The following TKFC variants were observed in gnomAD, a reference collection of about 807,000 sequenced individuals.
TKFC encodes triokinase and FMN cyclase.
A neutral mutation model predicts 61.0 loss-of-function variants in TKFC; 46 were observed. That is an observed-to-expected ratio of 0.75 (90% CI 0.60 to 0.96). The LOEUF (loss-of-function observed/expected upper bound fraction) is 0.96. Among genes scored for constraint, TKFC ranks in the 50% least tolerant of loss-of-function variants. TKFC has a pLI of 0.00. For synonymous variants in TKFC, 314 were observed against 330.1 expected (o/e 0.95, Z 0.53); for missense variants, 715 against 777.5 (o/e 0.92, Z 0.96).
In TKFC at chr11:61,347,986, C is replaced by T. The variant is rs769742596; in HGVS notation, c.*1483C>T. 2.3e-5 allele frequency: 23 copies of T among 985,304 alleles called. No homozygotes were observed. Among genetic ancestry groups the T allele is most frequent in the Admixed American group, 6.1e-5 (1 of 16,266 alleles). 61.0% of individuals were successfully genotyped at this position (985,304 alleles called of 1,614,324 possible). On this transcript the variant is annotated 3_prime_UTR_variant, in exon 18 of 18. Coordinates refer to ENST00000394900, the MANE Select transcript of TKFC (RefSeq NM_015533.4). ...TGGTAGGAAAGAGCCTCCTGCCCTCCCAACCCCCGTCACCTACTTGGCCCA... is the reference window on the plus strand; with the variant it reads ...TGGTAGGAAAGAGCCTCCTGCCCTCTCAACCCCCGTCACCTACTTGGCCCA...
Position 61,339,304 on chromosome 11 carries a change from G to C in TKFC, c.355G>C (p.Gly119Arg). The C allele has an allele frequency of 1.2e-6, 2 of 1,613,880 alleles. No homozygotes were observed. The highest frequency in any genetic ancestry group is 1.7e-6 in the Non-Finnish European group (2 of 1,180,020). Residue 119 changes from glycine (G) to arginine (R), a missense_variant, in exon 5 of 18, where the codon GGC becomes CGC. Gly to Arg is a moderately radical substitution (Grantham distance 125, BLOSUM62 -2). Coordinates refer to ENST00000394900, the MANE Select transcript of TKFC (RefSeq NM_015533.4). The part of the protein sequence containing the change: ...KNYTGDRLNF[G>R]LAREQARAEG... ...CTACACTGGGGATCGGCTCAACTTCGGCCTGGCCCGGGAGCAGGCCCGGGC... is the reference window on the plus strand; with the variant it reads ...CTACACTGGGGATCGGCTCAACTTCCGCCTGGCCCGGGAGCAGGCCCGGGC...
Position 61,347,263 on chromosome 11 carries a change from C to T in TKFC, c.*760C>T, listed in dbSNP as rs537733394. Reference sequence around the variant, plus strand: ...TGTAGATCAAAAAATGCAGCCAGGCCGGGCACGGTGGCTCACACCTGCAAT... The same window carrying T: ...TGTAGATCAAAAAATGCAGCCAGGCTGGGCACGGTGGCTCACACCTGCAAT... On this transcript the variant is annotated 3_prime_UTR_variant, in exon 18 of 18. Coordinates refer to ENST00000394900, the MANE Select transcript of TKFC (RefSeq NM_015533.4). 32 of 985,396 alleles carry T rather than the reference C, an allele frequency of 3.2e-5. No homozygotes were observed. The African/African-American group carries it at 4.2e-4, about 13-fold the overall frequency. 61.0% of individuals were successfully genotyped at this position (985,396 alleles called of 1,614,324 possible).
In TKFC at chr11:61,339,047, C is replaced by T; in HGVS notation, c.194-19C>T. 6.2e-7 allele frequency: 1 copy of T among 1,607,646 alleles called. No individual in the cohort carries two copies. The highest frequency in any genetic ancestry group is 8.5e-7 in the Non-Finnish European group (1 of 1,176,140). ...GCGAGTCCCACCCAGCATGCTCACT[C>T]CACTCCTTCCACCTCCAGGTTTCAT... On this transcript the variant is annotated intron_variant, in intron 3 of 17. Transcript: ENST00000394900.
chr11:61,351,293 T>C (rs1346899619), downstream of TKFC: 7 of 952,428 alleles, frequency 7.3e-6, no homozygotes, highest in East Asian at 1.3e-4. Flanking sequence ...TCTTTTTTTT[T>C]TTTTTTTTTT....
chr11:61,338,987 C>A (rs1043318978), intron 3 of TKFC, 79 bp from the exon 4 acceptor site: 3 of 1,254,070 alleles, frequency 2.4e-6, no homozygotes, highest in Non-Finnish European at 3.4e-6. Flanking sequence ...CAAACCATGA[C>A]CCCCGGAGTG....
At chr11:61,345,786 G>T in intron 16 of TKFC, 41 bp downstream of exon 16, 1 of 1,614,180 alleles carries the variant, frequency 6.2e-7, no homozygotes, top group Non-Finnish European at 8.5e-7. Context: ...TCTCCTTTTG[G>T]CCCTGTAAGT....
downstream of TKFC, chr11:61,351,157 A>G (rs779104111): frequency 4.7e-5 from 76 of 1,605,848 alleles, no homozygotes; most frequent in Non-Finnish European, 6.0e-5. Context: ...CCTGAAGATG[A>G]CAAAACAATG....
In TKFC at chr11:61,343,924, C is replaced by T. The variant is rs1245821140; in HGVS notation, c.1051C>T (p.Arg351Trp). Reference sequence around the variant, plus strand: ...CTCCATTACTGGGCGGAAGCGGAGCCGGGTAGCCCCTGCCGAGCCCCAGGA... The same window carrying T: ...CTCCATTACTGGGCGGAAGCGGAGCTGGGTAGCCCCTGCCGAGCCCCAGGA... ...AVSITGRKRS[R>W]VAPAEPQEAP... is the part of the protein sequence containing the mutation. The change falls in exon 12 of 18, where the codon CGG becomes TGG. Residue 351 changes from arginine to tryptophan, a missense_variant. Arg to Trp is a moderately radical substitution (Grantham distance 101, BLOSUM62 -3). Transcript: ENST00000394900. The T allele has an allele frequency of 9.3e-6, 15 of 1,611,146 alleles. No individual in the cohort carries two copies. Among genetic ancestry groups the T allele is most frequent in the Admixed American group, 1.7e-5 (1 of 60,024 alleles).
chr11:61,341,642 T>C, intron 6 of TKFC, 128 bp downstream of exon 6: 1 of 1,268,208 alleles, frequency 7.9e-7, no homozygotes, highest in Non-Finnish European at 1.1e-6. Context: ...AGGGAGTGTA[T>C]CCCTGGGGGA....
At position 61,345,368 on chromosome 11, in the gene TKFC, TG is replaced by T; in HGVS notation, c.1347+5del. Reference sequence around the variant, plus strand: ...AAGATGGGAGGCTCATCTGGGGCGGTGGGTGCCTGGGGGCTGAAGGGCTGAC... The same window carrying T: ...AAGATGGGAGGCTCATCTGGGGCGGTGGTGCCTGGGGGCTGAAGGGCTGAC... On this transcript the variant is annotated splice_donor_region_variant and intron_variant, in intron 14 of 17. Transcript: ENST00000394900. The T allele has an allele frequency of 1.9e-6, 3 of 1,599,406 alleles. No homozygotes were observed. The highest frequency in any genetic ancestry group is 2.2e-5 in the South Asian group (2 of 90,252).
rs201898222 is a variant in TKFC at position 61,339,239 on chromosome 11, C to G, written c.305-15C>G. ...GCACAGTAAGCACACTGAGCCCTTC[C>G]GGCTGCTCCCGCAGTGGGGACGCTC... is the stretch of plus-strand genomic sequence containing the variant. On this transcript the variant is annotated splice_polypyrimidine_tract_variant and intron_variant, in intron 4 of 17. Coordinates refer to ENST00000394900, the MANE Select transcript of TKFC (RefSeq NM_015533.4). The G allele has an allele frequency of 1.2e-6, 2 of 1,611,738 alleles. No homozygotes were observed. The highest frequency in any genetic ancestry group is 2.7e-5 in the African/African-American group (2 of 75,036).
At chr11:61,353,148 A>G, downstream of TKFC, 1 of 1,595,662 alleles carries the variant, frequency 6.3e-7, no homozygotes, top group East Asian at 2.2e-5. Context: ...CACTGTGGAC[A>G]AAAGGGAGGA....
In TKFC at chr11:61,346,012, G is replaced by A; in HGVS notation, c.1575+66G>A. ...CTAGCCAGCAGACTCCTGTCTCCAT[G>A]TGACCCTGAGCAAGTTAATAACCTT... On this transcript the variant is annotated intron_variant, in intron 17 of 17. Transcript: ENST00000394900. This position sits in a 1 kb window ranked among gnomAD's most constrained non-coding sequence, Gnocchi z 4.1. 3 of 1,524,366 alleles carry A rather than the reference G, an allele frequency of 2.0e-6. 1 individual carries two copies. Among genetic ancestry groups the A allele is most frequent in the Middle Eastern group, 3.4e-4 (2 of 5,844 alleles). The allele number at this position is 1,524,366 out of a possible 1,614,324, so 94.4% of individuals were successfully genotyped here. A position where few individuals can be genotyped will look rare whatever the true frequency, so the allele number is the denominator to read the frequency against.
At chr11:61,336,423 G>A (rs1054108751) in intron 2 of TKFC, 6 of 152,950 alleles carry the variant, frequency 3.9e-5, no homozygotes, top group East Asian at 1.9e-4. Flanking sequence ...CTGAGTCCAC[G>A]TTGGGCCCCA....
In TKFC at chr11:61,346,467, C is replaced by T; in HGVS notation, c.1692C>T (p.Ala564=). Residue 564 remains alanine (A), a synonymous_variant, in exon 18 of 18, where the codon GCC becomes GCT. Transcript: ENST00000394900. The surrounding 1 kb of genome is among the most constrained non-coding windows in gnomAD (Gnocchi z 4.1). ...ACCCCGGGGCGGTGGCAGCTGCTGC[C>T]ATCCTCCGGGCCATCTTGGAGGTCT... ...QPDPGAVAAA[A]ILRAILEVLQ... 6.2e-7 allele frequency: 1 copy of T among 1,609,724 alleles called. No individual in the cohort carries two copies. The highest frequency in any genetic ancestry group is 2.2e-5 in the East Asian group (1 of 44,848).
At position 61,339,520 on chromosome 11, in the gene TKFC, A is replaced by G. The variant is rs979604198; in HGVS notation, c.486+85A>G. On this transcript the variant is annotated intron_variant, in intron 5 of 17. Coordinates refer to ENST00000394900, the MANE Select transcript of TKFC (RefSeq NM_015533.4). ...CAGCACCCAGTAACTGGACCTTTCC[A>G]GCCCTTCCCCAAGAAGCTAGTTCTT... 55 of 1,427,178 alleles carry G rather than the reference A, an allele frequency of 3.9e-5. No homozygotes were observed. The African/African-American group carries it at 4.0e-4, about 10-fold the overall frequency. The allele number at this position is 1,427,178 out of a possible 1,614,324, so 88.4% of individuals were successfully genotyped here.
At chr11:61,341,062 A>G (rs967810313) in intron 5 of TKFC, among the ~76,000 whole-genome samples, 2 of 151,592 alleles carry the variant, frequency 1.3e-5, no homozygotes, top group African/African-American at 4.9e-5. Flanking sequence ...GGGTGGATGG[A>G]TGGATGGATA....
chr11:61,337,359 C>T (rs569178034), intron 2 of TKFC, among the ~76,000 whole-genome samples: 2 of 152,270 alleles, frequency 1.3e-5, no homozygotes, highest in East Asian at 1.9e-4. Context: ...TTGCCCAGGC[C>T]GGTCTCAAAG....
At chr11:61,335,083 G>A (rs187597993) in intron 2 of TKFC, among the ~76,000 whole-genome samples, 5 of 152,312 alleles carry the variant, frequency 3.3e-5, no homozygotes, top group East Asian at 1.9e-4. Flanking sequence ...CCATGTGACC[G>A]TTCCTAACCT....
Sources: gnomAD v4.1 joint callset for allele counts (sites outside exome capture counted in the v4.1 genomes callset) on GRCh38, gnomAD v4.1.1 for gene constraint, Gnocchi (gnomAD v3.1) non-coding constraint, MANE v1.5 for transcripts, NCBI Gene and HGNC (gene_info 2026-07-23, HGNC 2026-07-21) for gene names.